TNPO3: variants seen among roughly 807,000 people sequenced by gnomAD.
The protein encoded by TNPO3 is transportin 3, also known as transportin-3.
In TNPO3, 65 loss-of-function variants were observed where a neutral mutation model predicts 122.8. The ratio of observed to expected loss-of-function variants is 0.53; its 90% CI spans 0.43 to 0.65. The LOEUF is 0.65. Among genes scored for constraint, TNPO3 ranks in the 30% least tolerant of loss-of-function variants. TNPO3 has a pLI of 0.00. For synonymous variants in TNPO3, 372 were observed against 411.2 expected, an observed-to-expected ratio of 0.90 and a Z score of 1.15; for missense variants, 850 against 1,136.7, an observed-to-expected ratio of 0.75 and a Z score of 3.63.
At chr7:129,034,731 T>TA (rs1399278606) in intron 1 of TNPO3, among the ~76,000 whole-genome samples, 1 of 134,892 alleles carries the variant, frequency 7.4e-6, no homozygotes, top group Non-Finnish European at 1.6e-5. Flanking sequence ...CTACTAAAAA[T>TA]ACAAAAAAAA....
intron 4 of TNPO3, among the ~76,000 whole-genome samples, chr7:129,007,606 G>A (rs1448375030): frequency 2.6e-5 from 4 of 152,200 alleles, no homozygotes; most frequent in Admixed American, 2.6e-4. Context: ...TACATCATTT[G>A]TAATGAATAA....
intron 7 of TNPO3, among the ~76,000 whole-genome samples, chr7:128,999,778 A>G (rs1050968573): frequency 2.6e-5 from 4 of 151,832 alleles, no homozygotes; most frequent in East Asian, 1.9e-4. Flanking sequence ...ACGCCTGACT[A>G]ATTTTTATAT....
intron 10 of TNPO3, chr7:128,990,320 T>A: frequency 1.6e-6 from 1 of 629,704 alleles, no homozygotes; most frequent in Non-Finnish European, 2.8e-6. Flanking sequence ...TACTGCTCCT[T>A]AATCTTCTGA....
chr7:129,048,729 A>G (rs1020088142), intron 1 of TNPO3, among the ~76,000 whole-genome samples: 2 of 152,206 alleles, frequency 1.3e-5, no homozygotes, highest in African/African-American at 4.8e-5. Context: ...AACCATGTAT[A>G]TGGTGAAAAG....
intron 21 of TNPO3, among the ~76,000 whole-genome samples, chr7:128,963,160 G>T (rs1430129844): frequency 1.3e-5 from 2 of 152,154 alleles, no homozygotes; most frequent in Non-Finnish European, 2.9e-5. Context: ...TTTCCATTTG[G>T]TATCTCATAA....
chr7:128,989,577 G>A (rs1320004722), intron 11 of TNPO3, among the ~76,000 whole-genome samples: 2 of 152,188 alleles, frequency 1.3e-5, no homozygotes, highest in Admixed American at 1.3e-4. Flanking sequence ...AATGAAGCAT[G>A]TATTACAAGT....
chr7:129,012,003 C>CTTTTTTTTTTT (rs1174882837), intron 4 of TNPO3, among the ~76,000 whole-genome samples: 49 of 131,698 alleles, frequency 3.7e-4, no homozygotes, highest in East Asian at 6.3e-4. Flanking sequence ...CTTTTTCTTT[C>CTTTTTTTTTTT]TTTTTTTTTT....
At chr7:128,989,739 T>C (rs1286435836) in intron 11 of TNPO3, among the ~76,000 whole-genome samples, 3 of 152,230 alleles carry the variant, frequency 2.0e-5, no homozygotes, top group African/African-American at 7.2e-5. Context: ...GTTCACTGTT[T>C]CCCTATCTGT....
intron 4 of TNPO3, among the ~76,000 whole-genome samples, chr7:129,008,629 T>C (rs560991097): frequency 1.2e-4 from 18 of 152,336 alleles, no homozygotes; most frequent in African/African-American, 3.8e-4. Context: ...GAGCACTTAA[T>C]TTAATACGGT....
chr7:128,964,859 C>T (rs984571450), intron 21 of TNPO3, among the ~76,000 whole-genome samples: 1 of 152,106 alleles, frequency 6.6e-6, no homozygotes, highest in Non-Finnish European at 1.5e-5. Flanking sequence ...GTCTTTTCAA[C>T]AAATGGTGCT....
intron 1 of TNPO3, among the ~76,000 whole-genome samples, chr7:129,046,976 G>T (rs988724863): frequency 1.3e-5 from 2 of 152,132 alleles, no homozygotes; most frequent in Non-Finnish European, 2.9e-5. Context: ...TGTGGGTGGG[G>T]ACATAGCCAA....
chr7:129,035,955 T>C (rs73228756), intron 1 of TNPO3, among the ~76,000 whole-genome samples: 10,968 of 53,308 alleles, frequency 0.21, 532 homozygotes, highest in African/African-American at 0.3. Flanking sequence ...CTTTTCTTTT[T>C]TTTTTTTTTT....
Position 129,000,581 on chromosome 7 carries a change from G to T in TNPO3, c.873-14C>A. Reference sequence around the variant, plus strand: ...TAATTCAGAACTCTGTAGAAGACAGGGGAATGAGAACAATGAGTCAGAAAT... The same window carrying T: ...TAATTCAGAACTCTGTAGAAGACAGTGGAATGAGAACAATGAGTCAGAAAT... On this transcript the variant is annotated splice_polypyrimidine_tract_variant and intron_variant, in intron 6 of 22. Coordinates refer to ENST00000265388, the MANE Select transcript of TNPO3 (RefSeq NM_012470.4). 1 of 1,608,966 alleles carries T rather than the reference G, an allele frequency of 6.2e-7. No homozygotes were observed. Among genetic ancestry groups the T allele is most frequent in the South Asian group, 1.1e-5 (1 of 90,720 alleles).
intron 1 of TNPO3, among the ~76,000 whole-genome samples, chr7:129,021,961 A>AT (rs1437363189): frequency 6.6e-6 from 1 of 152,212 alleles, no homozygotes; most frequent in Non-Finnish European, 1.5e-5. Flanking sequence ...AAACAAAAAA[A>AT]TTTTAAAACA....
chr7:129,053,494 C>CAA (rs752196402), intron 1 of TNPO3, among the ~76,000 whole-genome samples: 59 of 59,364 alleles, frequency 9.9e-4, no homozygotes, highest in African/African-American at 2.0e-3. Context: ...GACTCTGTCT[C>CAA]AAAAAAAAAA....
chr7:128,970,026 G>T, intron 20 of TNPO3, 122 bp downstream of exon 20: 1 of 1,084,512 alleles, frequency 9.2e-7, no homozygotes, highest in Non-Finnish European at 1.4e-6. Context: ...TTGGCAATAT[G>T]CCTAAATTTG....
chr7:129,031,953 G>A (rs1805998717), intron 1 of TNPO3, among the ~76,000 whole-genome samples: 1 of 152,014 alleles, frequency 6.6e-6, no homozygotes, highest in Non-Finnish European at 1.5e-5. Context: ...TCCCAAATAA[G>A]TCAGATTACA....
intron 1 of TNPO3, chr7:129,030,296 T>C: frequency 4.0e-6 from 1 of 252,858 alleles, no homozygotes; most frequent in South Asian, 5.3e-5. Flanking sequence ...AATTGGATGC[T>C]CTTTAAAAAC....
At chr7:129,003,799 TG>T (rs1802271706) in intron 5 of TNPO3, among the ~76,000 whole-genome samples, 2 of 152,348 alleles carry the variant, frequency 1.3e-5, no homozygotes, top group Admixed American at 6.5e-5. Flanking sequence ...GTCCTGACAC[TG>T]GATCAGTAGA....
Sources: allele counts gnomAD v4.1 joint callset (sites outside exome capture counted in the v4.1 genomes callset), GRCh38; gene constraint gnomAD v4.1.1; transcripts MANE v1.5; gene names NCBI Gene and HGNC (gene_info 2026-07-23, HGNC 2026-07-21).